The following SEMA6D variants were observed in gnomAD, a reference collection of about 807,000 sequenced individuals.
SEMA6D encodes the protein semaphorin-6D.
In SEMA6D, 35 loss-of-function variants were observed where a neutral mutation model predicts 106.6. The ratio of observed to expected loss-of-function variants is 0.33; its 90% CI spans 0.25 to 0.44. The LOEUF is 0.44. SEMA6D is among the 20% of genes least tolerant of loss of function. The pLI, the probability that SEMA6D is intolerant of heterozygous loss-of-function variation, is 1.00. For missense variants in SEMA6D, 1,185 were observed against 1,345.9 expected (o/e 0.88, Z 1.87); for synonymous variants, 499 against 487.7 (o/e 1.02, Z -0.31).
chr15:47,697,550 T>C (rs1056946736), intron 4 of SEMA6D, among the ~76,000 whole-genome samples: 5 of 152,212 alleles, frequency 3.3e-5, no homozygotes, highest in African/African-American at 1.2e-4. Context: ...CTATTTTTAC[T>C]TCTAAATTCC....
chr15:47,631,267 T>C (rs2077287932), intron 4 of SEMA6D, among the ~76,000 whole-genome samples: 1 of 152,030 alleles, frequency 6.6e-6, no homozygotes, highest in South Asian at 2.1e-4. Flanking sequence ...ATTTCTGTAA[T>C]GGTTATAAGA....
At position 47,225,276 on chromosome 15, in the gene SEMA6D, TGAATGA is replaced by T. The variant is rs1402151322; in HGVS notation, c.-239+40863_-239+40868del. On this transcript the variant is annotated intron_variant, in intron 1 of 19. Coordinates refer to the SEMA6D transcript ENST00000558014. ...CTGTATCATTTTGTGTTTGCACCAA[TGAATGA>T]GAATTCCTGTTGCTCTACATTCTCA... 1.4e-4 allele frequency among the ~76,000 whole-genome samples: 22 copies of T among 152,216 alleles called. 1 individual carries two copies. Among genetic ancestry groups the T allele is most frequent in the Middle Eastern group, 6.8e-3 (2 of 292 alleles).
At chr15:47,738,037 TA>T (rs112044411) in intron 1 of SEMA6D, among the ~76,000 whole-genome samples, 30,844 of 143,770 alleles carry the variant, frequency 0.21, 3,549 homozygotes, top group South Asian at 0.33. Context: ...CTGATAAACT[TA>T]AAAAAAAAAA....
At chr15:47,539,467 C>T (rs1054484646) in intron 3 of SEMA6D, among the ~76,000 whole-genome samples, 10 of 151,950 alleles carry the variant, frequency 6.6e-5, no homozygotes, top group African/African-American at 2.2e-4. Flanking sequence ...GCTCTGTCTC[C>T]AGGCTGGAGT....
At chr15:47,239,059 T>G (rs1019790263) in intron 1 of SEMA6D, among the ~76,000 whole-genome samples, 1 of 152,188 alleles carries the variant, frequency 6.6e-6, no homozygotes, top group African/African-American at 2.4e-5. Flanking sequence ...AAGGTTCATC[T>G]GTATTTATAG....
chr15:47,314,849 C>CTTTT (rs1173992222), intron 1 of SEMA6D, among the ~76,000 whole-genome samples: 4 of 83,920 alleles, frequency 4.8e-5, no homozygotes, highest in African/African-American at 2.1e-4. Flanking sequence ...TCTAGGTTTT[C>CTTTT]TTTTTTTTTT....
At chr15:47,755,803 A>C (rs1770695395) in intron 1 of SEMA6D, among the ~76,000 whole-genome samples, 1 of 150,460 alleles carries the variant, frequency 6.6e-6, no homozygotes, top group African/African-American at 2.4e-5. Context: ...AAGCTGTATG[A>C]AATTAGCAAA....
chr15:47,520,522 T>C (rs2044539973), intron 3 of SEMA6D, among the ~76,000 whole-genome samples: 1 of 152,180 alleles, frequency 6.6e-6, no homozygotes. Context: ...CTACCAAAAG[T>C]TTGAACTTAA....
chr15:47,345,516 T>C (rs960515312), intron 1 of SEMA6D, among the ~76,000 whole-genome samples: 1 of 151,936 alleles, frequency 6.6e-6, no homozygotes, highest in Non-Finnish European at 1.5e-5. Flanking sequence ...CAAAAAAAAA[T>C]TTTGATTTAT....
intron 1 of SEMA6D, among the ~76,000 whole-genome samples, chr15:47,744,134 C>A (rs958130682): frequency 2.6e-5 from 4 of 152,198 alleles, no homozygotes; most frequent in Non-Finnish European, 5.9e-5. Context: ...GACATGACTT[C>A]TGTTCTCCTG....
intron 4 of SEMA6D, among the ~76,000 whole-genome samples, chr15:47,673,441 C>T (rs1039372967): frequency 1.3e-5 from 2 of 152,182 alleles, no homozygotes; most frequent in Admixed American, 1.3e-4. Context: ...TAACCCCTGC[C>T]TTCAAATGGC....
At chr15:47,419,972 G>C (rs2041099487) in intron 2 of SEMA6D, among the ~76,000 whole-genome samples, 1 of 152,136 alleles carries the variant, frequency 6.6e-6, no homozygotes. Flanking sequence ...GTGAGGCTAT[G>C]AGCATTGAGA....
chr15:47,616,353 G>A (rs1054399467), intron 4 of SEMA6D, among the ~76,000 whole-genome samples: 1 of 151,860 alleles, frequency 6.6e-6, no homozygotes, highest in Non-Finnish European at 1.5e-5. Context: ...TGTATTTTTA[G>A]TAGAGACAGG....
chr15:47,263,175 A>G lies in SEMA6D; in HGVS notation c.-239+78757A>G, dbSNP rs919455619. On this transcript the variant is annotated intron_variant, in intron 1 of 19. Coordinates refer to the SEMA6D transcript ENST00000558014. Reference sequence around the variant, plus strand: ...GATGAAGATGCCAAAAGCAGTTGCAACAAAAAGAAAAATTAACAAATGGAT... The same window carrying G: ...GATGAAGATGCCAAAAGCAGTTGCAGCAAAAAGAAAAATTAACAAATGGAT... Among the ~76,000 whole-genome samples the G allele has an allele frequency of 3.9e-5, 6 of 152,338 alleles. No individual in the cohort carries two copies. The East Asian group carries it at 1.2e-3, about 29-fold the overall frequency.
chr15:47,497,597 C>T (rs1366493464), intron 3 of SEMA6D, among the ~76,000 whole-genome samples: 1 of 152,030 alleles, frequency 6.6e-6, no homozygotes, highest in Non-Finnish European at 1.5e-5. Context: ...CAGACATCTC[C>T]CTAGTAGATT....
In SEMA6D at chr15:47,227,964, T is replaced by TTATATATATTTTATATATA. The variant is rs1566938501; in HGVS notation, c.-239+43549_-239+43567dup. Among the ~76,000 whole-genome samples, 4 of 142,690 alleles carry TTATATATATTTTATATATA rather than the reference T, an allele frequency of 2.8e-5. 1 individual carries two copies. In the East Asian group the frequency reaches 8.5e-4, roughly 30 times the overall value. The allele number at this position is 142,690 out of a possible 152,430, so 93.6% of individuals were successfully genotyped here. On this transcript the variant is annotated intron_variant, in intron 1 of 19. Transcript: ENST00000558014. The stretch of plus-strand genomic sequence containing the variant: ...ATATATATTTTTATATGTAAGAATC[T>TTATATATATTTTATATATA]TATATATATTTTATATATATAAGAT...
intron 3 of SEMA6D, among the ~76,000 whole-genome samples, chr15:47,529,849 A>T (rs1046321704): frequency 6.6e-6 from 1 of 152,176 alleles, no homozygotes; most frequent in East Asian, 1.9e-4. Context: ...TGAAGGGGTG[A>T]TCGTTCCAGC....
intron 3 of SEMA6D, among the ~76,000 whole-genome samples, chr15:47,544,425 C>T (rs1185441068): frequency 1.3e-5 from 2 of 152,068 alleles, no homozygotes; most frequent in Non-Finnish European, 2.9e-5. Context: ...TGAATATCTA[C>T]TATTTGTCAA....
intron 2 of SEMA6D, among the ~76,000 whole-genome samples, chr15:47,437,077 TAGAAG>T (rs1233600093): frequency 7.0e-6 from 1 of 142,722 alleles, no homozygotes; most frequent in African/African-American, 2.6e-5. Context: ...GGAGGGGAGA[TAGAAG>T]AGAGGATGGT....
Sources: allele counts gnomAD v4.1 joint callset (sites outside exome capture counted in the v4.1 genomes callset), GRCh38; gene constraint gnomAD v4.1.1; transcripts MANE v1.5; gene names NCBI Gene and HGNC (gene_info 2026-07-23, HGNC 2026-07-21).